EPN2: variants seen among roughly 807,000 people sequenced by gnomAD.
EPN2 encodes the protein epsin-2.
Under a neutral mutation model 61.7 loss-of-function variants are expected in EPN2, and 34 were observed. The ratio of observed to expected loss-of-function variants is 0.55; its 90% CI spans 0.42 to 0.73. EPN2 has a LOEUF of 0.73. EPN2 is among the 30% of genes least tolerant of loss of function. The pLI, the probability that EPN2 is intolerant of heterozygous loss-of-function variation, is 0.00. For missense variants in EPN2, 714 were observed against 839.2 expected, an observed-to-expected ratio of 0.85 and a Z score of 1.84; for synonymous variants, 349 against 353.6, an observed-to-expected ratio of 0.99 and a Z score of 0.15.
rs1483074333 is a variant in EPN2, at chr17:19,285,781, G to A, written c.757G>A (p.Ala253Thr). 8 of 1,597,006 alleles carry A rather than the reference G, an allele frequency of 5.0e-6. No individual in the cohort carries two copies. The highest frequency in any genetic ancestry group is 2.7e-5 in the African/African-American group (2 of 74,582). Residue 253 changes from alanine to threonine, a missense_variant, in exon 4 of 11, where the codon GCA (alanine) becomes ACA (threonine). Physicochemically the swap from Ala to Thr is moderately conservative, Grantham distance 58. Around this residue, in one of 2 missense-constraint regions of EPN2, gnomAD observed 304 missense variants for 417.4 expected, o/e 0.73. Transcript: ENST00000314728. This position sits in a 1 kb window ranked among gnomAD's most constrained non-coding sequence, Gnocchi z 4.5. ...WSQPCLTCDR[A>T]ARATSPRVSS... is the part of the protein sequence containing the mutation. ...CCAGCCCTGCCTCACTTGTGACCGC[G>A]CAGCCCGAGGTGGGACGGCGGTTTG...
intron 7 of EPN2, among the ~76,000 whole-genome samples, chr17:19,325,858 G>T (rs904253351): frequency 6.6e-6 from 1 of 152,112 alleles, no homozygotes; most frequent in Admixed American, 6.5e-5. Context: ...TTAGAATTAA[G>T]AATTATTTGA....
chr17:19,304,848 A>T (rs753481129), intron 4 of EPN2, among the ~76,000 whole-genome samples: 5 of 152,158 alleles, frequency 3.3e-5, no homozygotes, highest in Admixed American at 6.5e-5. Context: ...ACAGGGTGTG[A>T]GAGGTGGTAG....
At chr17:19,318,566 A>AAAAAAAG (rs1187317882) in intron 7 of EPN2, among the ~76,000 whole-genome samples, 2 of 148,602 alleles carry the variant, frequency 1.3e-5, no homozygotes, top group Admixed American at 6.7e-5. Context: ...AAAAAAAAAA[A>AAAAAAAG]AGAGTAGGGG....
chr17:19,237,410 G>C lies in EPN2; in HGVS notation c.-415G>C, dbSNP rs1187996331. On this transcript the variant is annotated 5_prime_UTR_variant, in exon 1 of 11. Transcript: ENST00000314728. ...TCCCGGCCGCCATGTTGGCTGGTGTGTGGGTGTCAAACTGAGCCAGACGCG... is the reference window on the plus strand; with the variant it reads ...TCCCGGCCGCCATGTTGGCTGGTGTCTGGGTGTCAAACTGAGCCAGACGCG... 2 of 152,074 alleles carry C rather than the reference G, an allele frequency of 1.3e-5. No individual in the cohort carries two copies. The highest frequency in any genetic ancestry group is 4.8e-5 in the African/African-American group (2 of 41,420). The allele number at this position is 152,074 out of a possible 1,614,324, so 9.4% of individuals were successfully genotyped here. A position where few individuals can be genotyped will look rare whatever the true frequency, so the allele number is the denominator to read the frequency against.
rs4924971 is a variant in EPN2 at position 19,285,068 on chromosome 17, T to C, written c.596-552T>C. On this transcript the variant is annotated intron_variant, in intron 3 of 10. Coordinates refer to ENST00000314728, the MANE Select transcript of EPN2 (RefSeq NM_014964.5). This position sits in a 1 kb window ranked among gnomAD's most constrained non-coding sequence, Gnocchi z 4.5. ...GAAATTGTTTTATTTCTCTCAAGGA[T>C]CCTCTTACCAACCCCCAGAGAGGCT... 0.04 allele frequency among the ~76,000 whole-genome samples: 6,094 copies of C among 152,344 alleles called. 524 individuals carry two copies. Among genetic ancestry groups the C allele is most frequent in the East Asian group, 0.27 (1,383 of 5,190 alleles).
At chr17:19,328,025 A>T (rs1906969855) in intron 7 of EPN2, among the ~76,000 whole-genome samples, 1 of 152,172 alleles carries the variant, frequency 6.6e-6, no homozygotes, top group Non-Finnish European at 1.5e-5. Flanking sequence ...ATGCACTCAG[A>T]TGTTTTAGTT....
rs149688499 is a variant in EPN2 at position 19,247,268 on chromosome 17, C to T, written c.-294+9737C>T. ...GTGTCAACCTGAAAAATATGGAACA[C>T]GTGATCTAGAGGCAAATAATGGTTA... On this transcript the variant is annotated intron_variant, in intron 1 of 10. Coordinates refer to ENST00000314728, the MANE Select transcript of EPN2 (RefSeq NM_014964.5). 3.5e-3 allele frequency among the ~76,000 whole-genome samples: 531 copies of T among 152,160 alleles called. 4 individuals are homozygous for T. Among genetic ancestry groups the T allele is most frequent in the Middle Eastern group, 0.01 (3 of 294 alleles).
In EPN2 at chr17:19,313,182, A is replaced by T; in HGVS notation, c.1050A>T (p.Lys350Asn). The T allele has an allele frequency of 6.2e-7, 1 of 1,613,460 alleles. No individual in the cohort carries two copies. The highest frequency in any genetic ancestry group is 8.5e-7 in the Non-Finnish European group (1 of 1,179,722). Reference sequence around the variant, plus strand: ...CCAGCTCGGGCCCCGCGGCCCAGAAAGCAGAGCCCTGGGGCCCGTCAGCCT... The same window carrying T: ...CCAGCTCGGGCCCCGCGGCCCAGAATGCAGAGCCCTGGGGCCCGTCAGCCT... ...ALPSSGPAAQ[K>N]AEPWGPSAST... is the part of the protein sequence containing the mutation. Residue 350 changes from lysine to asparagine, a missense_variant, in exon 7 of 11, where the codon AAA becomes AAT. Coordinates refer to ENST00000314728, the MANE Select transcript of EPN2 (RefSeq NM_014964.5).
intron 4 of EPN2, among the ~76,000 whole-genome samples, chr17:19,287,573 T>A (rs1478056339): frequency 6.6e-6 from 1 of 152,138 alleles, no homozygotes; most frequent in African/African-American, 2.4e-5. Context: ...GTGCTTAATC[T>A]ATGCACACCA....
chr17:19,298,403 C>T (rs906980414), intron 4 of EPN2, among the ~76,000 whole-genome samples: 12 of 152,298 alleles, frequency 7.9e-5, no homozygotes, highest in African/African-American at 2.9e-4. Context: ...GCCATTTTGG[C>T]TAGGCTGGTC....
intron 10 of EPN2, 151 bp from the exon 11 acceptor site, chr17:19,333,805 T>C (rs1907270909): frequency 1.1e-5 from 6 of 549,452 alleles, no homozygotes; most frequent in Admixed American, 7.4e-5. Flanking sequence ...TCAGCAGATA[T>C]TTGCTAGTGT....
chr17:19,238,328 C>A (rs762974588), intron 1 of EPN2, among the ~76,000 whole-genome samples: 1 of 152,224 alleles, frequency 6.6e-6, no homozygotes, highest in Non-Finnish European at 1.5e-5. Context: ...AGCCGAGAGC[C>A]GAGCGCGTTG....
chr17:19,314,401 G>A (rs1380743039), intron 7 of EPN2, among the ~76,000 whole-genome samples: 1 of 152,198 alleles, frequency 6.6e-6, no homozygotes. Context: ...CAAGAGGCAG[G>A]GAGTTCCCTG....
At chr17:19,284,340 G>C (rs1336245551) in intron 3 of EPN2, among the ~76,000 whole-genome samples, 1 of 152,168 alleles carries the variant, frequency 6.6e-6, no homozygotes, top group Non-Finnish European at 1.5e-5. Flanking sequence ...TTTGCCTTAT[G>C]GTCAGAAGAG....
At chr17:19,314,122 A>G (rs1906274163) in intron 7 of EPN2, among the ~76,000 whole-genome samples, 3 of 152,168 alleles carry the variant, frequency 2.0e-5, no homozygotes, top group Admixed American at 6.5e-5. Context: ...AAATGTACCA[A>G]GTGACAGGCT....
In EPN2 at chr17:19,335,603, C is replaced by T. The variant is rs561113661; in HGVS notation, c.*1349C>T. On this transcript the variant is annotated 3_prime_UTR_variant, in exon 11 of 11. Transcript: ENST00000314728. ...CCCACGGGTCCCTGGGCAACAGTCC[C>T]TAGGCTAAGACAGGGGTGGGGGGCT... 2.5e-6 allele frequency: 2 copies of T among 799,164 alleles called. No individual in the cohort carries two copies. The highest frequency in any genetic ancestry group is 6.1e-5 in the Admixed American group (2 of 32,556). The allele number at this position is 799,164 out of a possible 1,614,324, so 49.5% of individuals were successfully genotyped here.
intron 1 of EPN2, among the ~76,000 whole-genome samples, chr17:19,240,062 G>C (rs1045960814): frequency 3.3e-5 from 5 of 151,910 alleles, no homozygotes; most frequent in African/African-American, 1.2e-4. Context: ...TTTATGCATG[G>C]AATTGTCCTT....
At chr17:19,329,914 G>C (rs1907079890) in intron 9 of EPN2, among the ~76,000 whole-genome samples, 1 of 152,188 alleles carries the variant, frequency 6.6e-6, no homozygotes, top group African/African-American at 2.4e-5. Context: ...AGCTCAGAGT[G>C]GGCCTCACCT....
rs189244994 is a variant in EPN2 at position 19,279,521 on chromosome 17, C to G, written c.-293-2434C>G. Among the ~76,000 whole-genome samples, 282 of 151,816 alleles carry G rather than the reference C, an allele frequency of 1.9e-3. 1 individual carries two copies. Among genetic ancestry groups the G allele is most frequent in the Admixed American group, 5.8e-3 (89 of 15,270 alleles). Reference sequence around the variant, plus strand: ...TGGCGCAATCTCAGCTCACTGCAAGCTCTGCCTCCCGGGTTCACGCCATTC... The same window carrying G: ...TGGCGCAATCTCAGCTCACTGCAAGGTCTGCCTCCCGGGTTCACGCCATTC... On this transcript the variant is annotated intron_variant, in intron 1 of 10. Transcript: ENST00000314728.
Sources: allele counts gnomAD v4.1 joint callset (sites outside exome capture counted in the v4.1 genomes callset), GRCh38; gene constraint gnomAD v4.1.1; regional missense constraint gnomAD v4.1.1; non-coding constraint Gnocchi (gnomAD v3.1); transcripts MANE v1.5; gene names NCBI Gene and HGNC (gene_info 2026-07-23, HGNC 2026-07-21).